Variants in ZNF136 observed in about 807,000 individuals in gnomAD.
The protein encoded by ZNF136 is zinc finger protein 136 (clone pHZ-20).
ZNF136 carries 8 observed loss-of-function variants against 11.4 expected under a neutral mutation model. That is an observed-to-expected ratio of 0.70 (90% CI 0.41 to 1.27). ZNF136 has a LOEUF of 1.27. Ranked by LOEUF, ZNF136 falls within the 50% of genes most tolerant of loss-of-function variation. The probability of loss-of-function intolerance (pLI) is 0.01; values close to 1 mark genes in which losing one functional copy is unlikely to be tolerated. For missense variants in ZNF136, 590 were observed against 656.5 expected (o/e 0.90, Z 1.11); for synonymous variants, 190 against 207.1 (o/e 0.92, Z 0.71).
At chr19:12,168,371 C>T (rs1053452627) in intron 1 of ZNF136, among the ~76,000 whole-genome samples, 4 of 151,962 alleles carry the variant, frequency 2.6e-5, no homozygotes, top group Middle Eastern at 6.8e-3. Flanking sequence ...ACCACGCCCC[C>T]GACAAGCCCC....
intron 1 of ZNF136, chr19:12,169,192 G>T (rs1034263373): frequency 6.6e-6 from 1 of 152,276 alleles, no homozygotes; most frequent in Non-Finnish European, 1.5e-5. Flanking sequence ...CTGGGCTAAT[G>T]CCAGGTGATG....
intron 1 of ZNF136, among the ~76,000 whole-genome samples, chr19:12,179,068 G>GT (rs886749104): frequency 2.0e-5 from 3 of 151,658 alleles, no homozygotes; most frequent in Non-Finnish European, 2.9e-5. Context: ...TTTTAGGTGT[G>GT]TTTTTTTCAC....
intron 1 of ZNF136, among the ~76,000 whole-genome samples, chr19:12,172,030 G>T (rs1356581519): frequency 6.7e-6 from 1 of 148,526 alleles, no homozygotes; most frequent in Non-Finnish European, 1.5e-5. Flanking sequence ...CCAGGCTGGA[G>T]TGCAGTGGCA....
chr19:12,172,789 G>A (rs781409232), intron 1 of ZNF136, among the ~76,000 whole-genome samples: 1 of 152,126 alleles, frequency 6.6e-6, no homozygotes, highest in Non-Finnish European at 1.5e-5. Flanking sequence ...TGAGGCAGGC[G>A]GATCACGAGG....
chr19:12,170,142 G>A lies in ZNF136; in HGVS notation c.3+6936G>A, dbSNP rs534000024. Among the ~76,000 whole-genome samples, 340 of 149,730 alleles carry A rather than the reference G, an allele frequency of 2.3e-3. 3 individuals carry two copies. The highest frequency in any genetic ancestry group is 6.5e-3 in the South Asian group (30 of 4,618). Reference sequence around the variant, plus strand: ...ACGGGGTTTCGCTGTGTTAGCCAGGGTGGTCTCAATCTCCTGACCTTGTGA... The same window carrying A: ...ACGGGGTTTCGCTGTGTTAGCCAGGATGGTCTCAATCTCCTGACCTTGTGA... On this transcript the variant is annotated intron_variant, in intron 1 of 3. Transcript: ENST00000343979.
Position 12,186,914 on chromosome 19 carries a change from C to G in ZNF136, c.536C>G (p.Ser179Cys), listed in dbSNP as rs1198099165. The change falls in exon 4 of 4, where the codon TCT becomes TGT. Residue 179 changes from serine to cysteine, a missense_variant. By Grantham distance (112) the Ser-to-Cys change is moderately radical. Transcript: ENST00000343979. ...DCKECGKTFF[S>C]LKRIRRHIIT... ...AAGGAATGTGGAAAAACCTTCTTTT[C>G]TCTCAAAAGAATTAGAAGACACATC... 2.5e-6 allele frequency: 4 copies of G among 1,613,528 alleles called. No homozygotes were observed. The highest frequency in any genetic ancestry group is 3.4e-6 in the Non-Finnish European group (4 of 1,179,898).
chr19:12,176,069 CTACT>C (rs1914783331), intron 1 of ZNF136, among the ~76,000 whole-genome samples: 1 of 152,072 alleles, frequency 6.6e-6, no homozygotes, highest in Non-Finnish European at 1.5e-5. Flanking sequence ...ATCCATTTGT[CTACT>C]GTAAGGCATC....
intron 1 of ZNF136, among the ~76,000 whole-genome samples, chr19:12,167,587 C>T (rs183428951): frequency 1.1e-4 from 17 of 152,246 alleles, no homozygotes; most frequent in Non-Finnish European, 1.8e-4. Flanking sequence ...AGACCGGGTG[C>T]GGTGGCTCAC....
Position 12,181,650 on chromosome 19 carries a change from G to T in ZNF136, c.4-4135G>T, listed in dbSNP as rs139529871. ...ACCACGCCCAGCTAATTTTTTTTGG[G>T]GGGGGACAGAGCCTCACTGAGTCGC... On this transcript the variant is annotated intron_variant, in intron 1 of 3. Transcript: ENST00000343979. Among the ~76,000 whole-genome samples, 8 of 150,926 alleles carry T rather than the reference G, an allele frequency of 5.3e-5. No individual in the cohort carries two copies. In the South Asian group the frequency reaches 6.3e-4, roughly 12 times the overall value.
chr19:12,185,626 A>G (rs111335488), intron 1 of ZNF136, 159 bp from the exon 2 acceptor site: 7 of 846,442 alleles, frequency 8.3e-6, no homozygotes, highest in African/African-American at 7.0e-5. Flanking sequence ...CCATTCTAGT[A>G]TGAGAGTTGC....
intron 1 of ZNF136, among the ~76,000 whole-genome samples, chr19:12,181,443 G>T (rs898432372): frequency 3.3e-5 from 5 of 150,872 alleles, no homozygotes; most frequent in African/African-American, 4.9e-5. Flanking sequence ...CAACTATTTG[G>T]TTTTTTTGTT....
chr19:12,185,616 C>G, intron 1 of ZNF136, 169 bp from the exon 2 acceptor site: 1 of 785,518 alleles, frequency 1.3e-6, no homozygotes. Context: ...CCCGATAGTT[C>G]CATTCTAGTA....
At chr19:12,179,655 A>T (rs1485080330) in intron 1 of ZNF136, among the ~76,000 whole-genome samples, 1 of 151,950 alleles carries the variant, frequency 6.6e-6, no homozygotes, top group East Asian at 1.9e-4. Flanking sequence ...AGGTGTATTG[A>T]TTGCTATTCA....
At chr19:12,184,510 G>A (rs1341447952) in intron 1 of ZNF136, 3 of 146,278 alleles carry the variant, frequency 2.1e-5, no homozygotes, top group East Asian at 2.0e-4. Context: ...GCAGTGAGCC[G>A]AGATCACGCC....
chr19:12,169,863 C>T (rs185070160), intron 1 of ZNF136, among the ~76,000 whole-genome samples: 18 of 150,136 alleles, frequency 1.2e-4, no homozygotes, highest in South Asian at 2.1e-4. Context: ...GGCGTAATCT[C>T]GGCTCACTGC....
In ZNF136 at chr19:12,163,178, A is replaced by G; in HGVS notation, c.-26A>G. Reference sequence around the variant, plus strand: ...ACCTGCCTTGGGATCCGGAGGGAGGAAGCTGGGACACCCGGGAGTCAGGAA... The same window carrying G: ...ACCTGCCTTGGGATCCGGAGGGAGGGAGCTGGGACACCCGGGAGTCAGGAA... On this transcript the variant is annotated 5_prime_UTR_variant, in exon 1 of 4. Transcript: ENST00000343979. The G allele has an allele frequency of 7.2e-7, 1 of 1,394,940 alleles. No homozygotes were observed. Among genetic ancestry groups the G allele is most frequent in the Non-Finnish European group, 9.4e-7 (1 of 1,067,464 alleles). 86.4% of individuals were successfully genotyped at this position (1,394,940 alleles called of 1,614,324 possible). A position where few individuals can be genotyped will look rare whatever the true frequency, so the allele number is the denominator to read the frequency against.
chr19:12,165,283 A>G (rs776177251), intron 1 of ZNF136, among the ~76,000 whole-genome samples: 1 of 152,188 alleles, frequency 6.6e-6, no homozygotes, highest in Non-Finnish European at 1.5e-5. Context: ...GGATGTTCCA[A>G]CTGATAGATA....
chr19:12,168,390 TC>T (rs916912482), intron 1 of ZNF136, among the ~76,000 whole-genome samples: 2 of 151,958 alleles, frequency 1.3e-5, no homozygotes, highest in Non-Finnish European at 2.9e-5. Context: ...CCGTTTTTGA[TC>T]ACAGTAAAGG....
At chr19:12,163,473 C>G (rs774124669) in intron 1 of ZNF136, among the ~76,000 whole-genome samples, 4 of 152,204 alleles carry the variant, frequency 2.6e-5, no homozygotes, top group African/African-American at 7.2e-5. Context: ...GCGGGGCCCA[C>G]GCGAGGGTCA....
Sources: gnomAD v4.1 joint callset for allele counts (sites outside exome capture counted in the v4.1 genomes callset) on GRCh38, gnomAD v4.1.1 for gene constraint, MANE v1.5 for transcripts, NCBI Gene and HGNC (gene_info 2026-07-23, HGNC 2026-07-21) for gene names.